C8orf88: variants seen among roughly 807,000 people sequenced by gnomAD.
C8orf88 encodes uncharacterized protein C8orf88.
C8orf88 carries 14 observed loss-of-function variants against 18.4 expected under a neutral mutation model. The ratio of observed to expected loss-of-function variants is 0.76; its 90% CI spans 0.50 to 1.19. The LOEUF is 1.19. Ranked by LOEUF, C8orf88 falls within the 50% of genes most tolerant of loss-of-function variation. C8orf88 has a pLI of 0.00. For synonymous variants in C8orf88, 45 were observed against 42.9 expected, an observed-to-expected ratio of 1.05 and a Z score of -0.19; for missense variants, 116 against 134.7, an observed-to-expected ratio of 0.86 and a Z score of 0.69.
intron 5 of C8orf88, among the ~76,000 whole-genome samples, chr8:90,960,338 A>C (rs990377213): frequency 2.0e-5 from 3 of 151,478 alleles, no homozygotes; most frequent in African/African-American, 7.3e-5. Context: ...ACATTGCCAC[A>C]AAGATGTCAG....
At chr8:90,966,981 C>T (rs973396413) in intron 4 of C8orf88, among the ~76,000 whole-genome samples, 1 of 151,878 alleles carries the variant, frequency 6.6e-6, no homozygotes, top group African/African-American at 2.4e-5. Flanking sequence ...CTGTATAGGA[C>T]TGTGTTCTCT....
At position 90,978,771 on chromosome 8, in the gene C8orf88, G is replaced by C. The variant is rs1451884077; in HGVS notation, c.74-119C>G. ...CACTGTTTTGAAATGTGTTCTGATAGTTCATTTATTCAACATTCATCCAAC... is the reference window on the plus strand; with the variant it reads ...CACTGTTTTGAAATGTGTTCTGATACTTCATTTATTCAACATTCATCCAAC... On this transcript the variant is annotated intron_variant, in intron 2 of 5. Coordinates refer to ENST00000517562, the MANE Select transcript of C8orf88 (RefSeq NM_001190972.2). The C allele has an allele frequency of 1.4e-5, 7 of 512,800 alleles. No individual in the cohort carries two copies. The South Asian group carries it at 2.2e-4, about 16-fold the overall frequency. The allele number at this position is 512,800 out of a possible 1,614,324, so 31.8% of individuals were successfully genotyped here.
intron 3 of C8orf88, among the ~76,000 whole-genome samples, chr8:90,977,535 G>T (rs1334940337): frequency 6.6e-6 from 1 of 152,162 alleles, no homozygotes; most frequent in African/African-American, 2.4e-5. Context: ...TATATTAAAA[G>T]ATTGTTCTAT....
rs1811074470 is a variant in C8orf88, at chr8:90,958,546, G to C, written c.*461C>G. The C allele has an allele frequency of 6.3e-6, 1 of 158,600 alleles. No homozygotes were observed. The highest frequency in any genetic ancestry group is 2.4e-5 in the African/African-American group (1 of 41,434). The allele number at this position is 158,600 out of a possible 1,614,324, so 9.8% of individuals were successfully genotyped here. A position where few individuals can be genotyped will look rare whatever the true frequency, so the allele number is the denominator to read the frequency against. The stretch of plus-strand genomic sequence containing the variant: ...ATCATTCTAAGCCTCTGGAGAGACT[G>C]TAATGATCCATTCATGAGCTGGTAT... On this transcript the variant is annotated 3_prime_UTR_variant, in exon 6 of 6. Transcript: ENST00000517562.
At chr8:90,968,469 T>C (rs937673725) in intron 4 of C8orf88, among the ~76,000 whole-genome samples, 1 of 151,312 alleles carries the variant, frequency 6.6e-6, no homozygotes, top group Admixed American at 6.6e-5. Flanking sequence ...GCTAAAACTA[T>C]AAAACTCTTA....
At chr8:90,971,592 T>G (rs1176688189) in intron 3 of C8orf88, among the ~76,000 whole-genome samples, 1 of 152,026 alleles carries the variant, frequency 6.6e-6, no homozygotes, top group Non-Finnish European at 1.5e-5. Context: ...TTTCACCTAA[T>G]GCCTTGGAAA....
intron 4 of C8orf88, among the ~76,000 whole-genome samples, chr8:90,968,855 A>C (rs958177516): frequency 6.6e-6 from 1 of 151,022 alleles, no homozygotes; most frequent in African/African-American, 2.4e-5. Flanking sequence ...AAGAAATAGA[A>C]ATAGCCAACA....
chr8:90,977,096 T>A (rs183191936), intron 3 of C8orf88, among the ~76,000 whole-genome samples: 47 of 152,076 alleles, frequency 3.1e-4, no homozygotes, highest in African/African-American at 1.1e-3. Flanking sequence ...TCAAAAAGAA[T>A]AAAATCCTGG....
At chr8:90,985,064 G>A (rs991958321) in intron 1 of C8orf88, 50 bp downstream of exon 1, 3 of 152,196 alleles carry the variant, frequency 2.0e-5, no homozygotes, top group Non-Finnish European at 4.4e-5. Context: ...TCCACACCAC[G>A]GGGCCCGACT....
intron 4 of C8orf88, among the ~76,000 whole-genome samples, chr8:90,969,370 G>A (rs991158837): frequency 1.3e-5 from 2 of 151,724 alleles, no homozygotes; most frequent in Non-Finnish European, 2.9e-5. Flanking sequence ...GACACAAAAG[G>A]TCACATATTG....
intron 3 of C8orf88, among the ~76,000 whole-genome samples, chr8:90,978,341 T>G (rs187559836): frequency 0.014 from 2,193 of 152,314 alleles, 19 homozygotes; most frequent in Non-Finnish European, 0.023. Flanking sequence ...AGCATATATA[T>G]AGAGTTTGTA....
chr8:90,978,663 A>C lies in C8orf88; in HGVS notation c.74-11T>G. The C allele has an allele frequency of 6.8e-7, 1 of 1,476,238 alleles. No individual in the cohort carries two copies. Among genetic ancestry groups the C allele is most frequent in the Non-Finnish European group, 9.1e-7 (1 of 1,103,370 alleles). 91.4% of individuals were successfully genotyped at this position (1,476,238 alleles called of 1,614,324 possible). ...AAGGGAACACTGCTCCTGTTAGGAG[A>C]GGAAGAAAACAATTTCATAGATCTA... On this transcript the variant is annotated splice_polypyrimidine_tract_variant and intron_variant, in intron 2 of 5. Transcript: ENST00000517562.
At chr8:90,978,844 GAA>G (rs1384569718) in intron 2 of C8orf88, among the ~76,000 whole-genome samples, 192 bp from the exon 3 acceptor site, 5 of 152,162 alleles carry the variant, frequency 3.3e-5, no homozygotes, top group Admixed American at 6.5e-5. Context: ...ACACAAACAT[GAA>G]AAGAGTTCAG....
chr8:90,980,084 ACCAGAAG>A (rs1811411123), intron 2 of C8orf88, among the ~76,000 whole-genome samples: 1 of 152,168 alleles, frequency 6.6e-6, no homozygotes, highest in Admixed American at 6.5e-5. Context: ...TATCACTCTG[ACCAGAAG>A]CCAGAAGCCT....
At chr8:90,973,667 A>G (rs540052961) in intron 3 of C8orf88, among the ~76,000 whole-genome samples, 4 of 152,072 alleles carry the variant, frequency 2.6e-5, no homozygotes, top group Admixed American at 6.5e-5. Context: ...AAGTTTTTGT[A>G]GAGACAAGAT....
chr8:90,959,234 T>C (rs1186494016), intron 5 of C8orf88: 1 of 317,778 alleles, frequency 3.1e-6, no homozygotes, highest in Non-Finnish European at 5.7e-6. Flanking sequence ...TTAAAATATA[T>C]TAAATTGTAT....
intron 1 of C8orf88, among the ~76,000 whole-genome samples, chr8:90,981,167 C>T (rs959648783): frequency 1.3e-5 from 2 of 152,058 alleles, no homozygotes; most frequent in African/African-American, 4.8e-5. Context: ...ACCTCAAATT[C>T]AACATATCTA....
chr8:90,976,257 T>C (rs1409470223), intron 3 of C8orf88, among the ~76,000 whole-genome samples: 1 of 152,008 alleles, frequency 6.6e-6, no homozygotes, highest in African/African-American at 2.4e-5. Context: ...AACAAATGAG[T>C]TCACCTTACT....
chr8:90,977,135 A>T (rs1164807034), intron 3 of C8orf88, among the ~76,000 whole-genome samples: 1 of 152,190 alleles, frequency 6.6e-6, no homozygotes, highest in Non-Finnish European at 1.5e-5. Context: ...TGCATTGGCA[A>T]TTCACAAAAG....
Sources: allele counts gnomAD v4.1 joint callset (sites outside exome capture counted in the v4.1 genomes callset), GRCh38; gene constraint gnomAD v4.1.1; transcripts MANE v1.5; gene names NCBI Gene and HGNC (gene_info 2026-07-23, HGNC 2026-07-21).